Variants in ROCK2 observed in about 807,000 individuals in gnomAD.
ROCK2 encodes Rho associated coiled-coil containing protein kinase 2.
Under a neutral mutation model 195.1 loss-of-function variants are expected in ROCK2, and 61 were observed. The ratio of observed to expected loss-of-function variants is 0.31; its 90% CI spans 0.25 to 0.39. ROCK2 has a LOEUF of 0.39. Among genes scored for constraint, ROCK2 ranks in the 10% least tolerant of loss-of-function variants. The pLI is 1.00. For synonymous variants in ROCK2, 504 were observed against 545.5 expected (o/e 0.92, Z 1.06); for missense variants, 1,109 against 1,637.4 (o/e 0.68, Z 5.57).
At chr2:11,323,290 G>T (rs999272564) in intron 1 of ROCK2, among the ~76,000 whole-genome samples, 18 of 152,170 alleles carry the variant, frequency 1.2e-4, no homozygotes, top group Non-Finnish European at 2.2e-4. Context: ...GCAGCTGCAT[G>T]ACTTTGGACA....
In ROCK2 at chr2:11,192,636, T is replaced by C. The variant is rs2148030906; in HGVS notation, c.3764A>G (p.Tyr1255Cys). The C allele has an allele frequency of 1.2e-6, 2 of 1,613,996 alleles. No individual in the cohort carries two copies. The highest frequency in any genetic ancestry group is 2.2e-5 in the East Asian group (1 of 44,882). The change falls in exon 31 of 33, where the codon TAT (tyrosine) becomes TGT (cysteine). Residue 1255 changes from tyrosine to cysteine, a missense_variant. Around this residue, in one of 6 missense-constraint regions of ROCK2, gnomAD observed 221 missense variants for 355.1 expected, o/e 0.62. Transcript: ENST00000315872. This position sits in a 1 kb window ranked among gnomAD's most constrained non-coding sequence, Gnocchi z 5.0. Reference protein sequence around the residue: ...PVEPVGEKSNYICHKGHEFIP... With the variant: ...PVEPVGEKSNCICHKGHEFIP... ...AAACTCATGTCCCTTGTGGCAAATA[T>C]AATTAGATTTTTCTCCAACTGGCTC...
Position 11,208,333 on chromosome 2 carries a change from T to C in ROCK2, c.2318A>G (p.Gln773Arg), listed in dbSNP as rs1664128684. The change falls in exon 19 of 33, where the codon CAG becomes CGG. Residue 773 changes from glutamine to arginine, a missense_variant. Gln to Arg is a conservative substitution (Grantham distance 43). Around this residue, in one of 6 missense-constraint regions of ROCK2, gnomAD observed 542 missense variants for 672.0 expected, o/e 0.81. Coordinates refer to ENST00000315872, the MANE Select transcript of ROCK2 (RefSeq NM_004850.5). The stretch of plus-strand genomic sequence containing the variant: ...CTGTTTAAGGAGCTCATTTATTTTC[T>C]GCTGTGACTGTTTGAGGTCACAGTC... ...LLDCDLKQSQ[Q>R]KINELLKQKD... The C allele has an allele frequency of 6.6e-7, 1 of 1,507,272 alleles. No homozygotes were observed. Among genetic ancestry groups the C allele is most frequent in the Non-Finnish European group, 9.0e-7 (1 of 1,115,576 alleles). 93.4% of individuals were successfully genotyped at this position (1,507,272 alleles called of 1,614,324 possible).
At chr2:11,222,884 C>T (rs1438103838) in intron 7 of ROCK2, among the ~76,000 whole-genome samples, 1 of 152,078 alleles carries the variant, frequency 6.6e-6, no homozygotes, top group East Asian at 1.9e-4. Flanking sequence ...AGTTTTCCAC[C>T]TATAATCATT....
At chr2:11,221,772 A>G (rs1207264503) in intron 8 of ROCK2, among the ~76,000 whole-genome samples, 2 of 152,200 alleles carry the variant, frequency 1.3e-5, no homozygotes, top group Non-Finnish European at 2.9e-5. Flanking sequence ...TATCAAGTCA[A>G]ACGCATTTAA....
intron 4 of ROCK2, among the ~76,000 whole-genome samples, chr2:11,238,245 TTG>T (rs1398410607): frequency 2.6e-5 from 1 of 38,432 alleles, no homozygotes; most frequent in Non-Finnish European, 6.4e-5. Context: ...TGTGTGTCTG[TTG>T]TGTGTGTCAG....
chr2:11,317,076 C>A (rs1489181854), intron 1 of ROCK2, among the ~76,000 whole-genome samples: 2 of 151,994 alleles, frequency 1.3e-5, no homozygotes, highest in Non-Finnish European at 2.9e-5. Flanking sequence ...TATCATGAGT[C>A]CAGAGTTTAT....
At chr2:11,183,492 G>C in intron 32 of ROCK2, 52 bp from the exon 33 acceptor site, 1 of 1,352,632 alleles carries the variant, frequency 7.4e-7, no homozygotes, top group Non-Finnish European at 1.0e-6. Flanking sequence ...TAATTTAAGA[G>C]TGTTAAATTC....
chr2:11,294,170 A>T (rs77305434), intron 1 of ROCK2, among the ~76,000 whole-genome samples: 1,795 of 152,106 alleles, frequency 0.012, 32 homozygotes, highest in African/African-American at 0.04. Flanking sequence ...AAAAAAATTT[A>T]AAAAAAAGTA....
At chr2:11,294,933 G>A (rs141439319) in intron 1 of ROCK2, among the ~76,000 whole-genome samples, 235 of 151,920 alleles carry the variant, frequency 1.5e-3, no homozygotes, top group African/African-American at 5.3e-3. Flanking sequence ...GACTACAGGC[G>A]CATACCACTA....
chr2:11,235,580 G>A lies in ROCK2; in HGVS notation c.723+122C>T, dbSNP rs2148104816. 1.1e-6 allele frequency: 1 copy of A among 942,196 alleles called. No individual in the cohort carries two copies. The highest frequency in any genetic ancestry group is 1.6e-6 in the Non-Finnish European group (1 of 631,914). 58.4% of individuals were successfully genotyped at this position (942,196 alleles called of 1,614,324 possible). On this transcript the variant is annotated intron_variant, in intron 5 of 32. Coordinates refer to ENST00000315872, the MANE Select transcript of ROCK2 (RefSeq NM_004850.5). This position sits in a 1 kb window ranked among gnomAD's most constrained non-coding sequence, Gnocchi z 4.2. ...TTTTAAGTTGGTTATATCTTGTTTG[G>A]GTGCTATACAGTTATGAAAACTAAA... is the stretch of plus-strand genomic sequence containing the variant.
intron 17 of ROCK2, among the ~76,000 whole-genome samples, chr2:11,212,530 C>G (rs1484807315): frequency 6.6e-6 from 1 of 152,010 alleles, no homozygotes; most frequent in Non-Finnish European, 1.5e-5. Context: ...TGCTTGCATC[C>G]TTTCTGTTGC....
At chr2:11,308,562 C>T (rs1461775977) in intron 1 of ROCK2, 2 of 1,516,402 alleles carry the variant, frequency 1.3e-6, no homozygotes, top group Admixed American at 1.7e-5. Context: ...TTGAAAGATG[C>T]TGGGCAGTGC....
At chr2:11,231,189 T>A (rs540826761) in intron 5 of ROCK2, among the ~76,000 whole-genome samples, 1 of 152,034 alleles carries the variant, frequency 6.6e-6, no homozygotes, top group East Asian at 1.9e-4. Context: ...AGGTAATTTT[T>A]TTTTTTCTTC....
At chr2:11,252,809 G>A (rs1348457636) in intron 3 of ROCK2, among the ~76,000 whole-genome samples, 1 of 152,088 alleles carries the variant, frequency 6.6e-6, no homozygotes, top group Non-Finnish European at 1.5e-5. Flanking sequence ...CACGGGGTGA[G>A]GGGCTAGAGG....
intron 1 of ROCK2, among the ~76,000 whole-genome samples, chr2:11,310,929 C>T (rs922208754): frequency 6.6e-6 from 1 of 151,742 alleles, no homozygotes; most frequent in African/African-American, 2.4e-5. Flanking sequence ...AAAAATGTAT[C>T]TATGACTCAA....
At chr2:11,270,091 G>A (rs1179119425) in intron 3 of ROCK2, among the ~76,000 whole-genome samples, 3 of 150,942 alleles carry the variant, frequency 2.0e-5, no homozygotes, top group African/African-American at 7.3e-5. Flanking sequence ...CTAAAGTGCA[G>A]AATTCTAGAT....
At chr2:11,308,539 T>A in intron 1 of ROCK2, 1 of 1,540,966 alleles carries the variant, frequency 6.5e-7, no homozygotes, top group South Asian at 1.1e-5. Context: ...CTATCAGAAT[T>A]GAGAAAACTG....
chr2:11,210,414 G>A (rs1039605321), intron 18 of ROCK2, among the ~76,000 whole-genome samples: 9 of 151,784 alleles, frequency 5.9e-5, no homozygotes, highest in Non-Finnish European at 1.2e-4. Context: ...TGAACTCCTG[G>A]GCTCAAGCAA....
intron 1 of ROCK2, among the ~76,000 whole-genome samples, chr2:11,315,014 T>G (rs936323706): frequency 2.6e-5 from 4 of 151,958 alleles, no homozygotes; most frequent in Admixed American, 2.6e-4. Flanking sequence ...TATCTATATA[T>G]CAGACACAAT....
Sources: gnomAD v4.1 joint callset for allele counts (sites outside exome capture counted in the v4.1 genomes callset) on GRCh38, gnomAD v4.1.1 for gene constraint, gnomAD v4.1.1 regional missense constraint, Gnocchi (gnomAD v3.1) non-coding constraint, MANE v1.5 for transcripts, NCBI Gene and HGNC (gene_info 2026-07-23, HGNC 2026-07-21) for gene names.